Variants in RAB1A observed in about 807,000 individuals in gnomAD.
RAB1A encodes ras-related protein Rab-1A.
A neutral mutation model predicts 26.0 loss-of-function variants in RAB1A; 2 were observed. The observed-to-expected ratio is 0.08, with a 90% CI of 0.03 to 0.24. The LOEUF is 0.24. Ranked by LOEUF, RAB1A falls within the 10% of genes least tolerant of loss-of-function variation. RAB1A has a pLI of 1.00. For missense variants in RAB1A, 100 were observed against 247.0 expected (o/e 0.40, Z 3.99); for synonymous variants, 84 against 84.9 (o/e 0.99, Z 0.06).
In RAB1A at chr2:65,088,134, ACTTCAT is replaced by A. The variant is rs538067960; in HGVS notation, c.*353_*358del. On this transcript the variant is annotated 3_prime_UTR_variant, in exon 6 of 6. Transcript: ENST00000409784. Reference sequence around the variant, plus strand: ...GTGCTGTTTGATACAAAATGGCTGAACTTCATCTTCAGAAGACTAAACCTGACATCT... The same window carrying A: ...GTGCTGTTTGATACAAAATGGCTGAACTTCAGAAGACTAAACCTGACATCT... The A allele has an allele frequency of 3.2e-3, 573 of 179,754 alleles. No individual in the cohort carries two copies. The highest frequency in any genetic ancestry group is 6.9e-3 in the Admixed American group (113 of 16,474). The allele number at this position is 179,754 out of a possible 1,614,324, so 11.1% of individuals were successfully genotyped here.
At chr2:65,129,870 G>C (rs761951416) in intron 1 of RAB1A, 23 bp downstream of exon 1, 2 of 1,590,996 alleles carry the variant, frequency 1.3e-6, no homozygotes, top group African/African-American at 2.7e-5. Context: ...GGACCCAGCC[G>C]ACCGGTGCTC....
chr2:65,089,991 C>T (rs1005013819), intron 4 of RAB1A, among the ~76,000 whole-genome samples: 7 of 152,224 alleles, frequency 4.6e-5, no homozygotes, highest in African/African-American at 1.2e-4. Flanking sequence ...GCGTGAGCCA[C>T]TGCGCCTGGC....
chr2:65,122,081 G>A lies in RAB1A; in HGVS notation c.23+7812C>T, dbSNP rs551768280. On this transcript the variant is annotated intron_variant, in intron 1 of 5. Transcript: ENST00000409784. ...TGAGGCAGAAGAAATGCTGGAACCC[G>A]GGAGACAGACGTTGCAGTAAGCCAA... Among the ~76,000 whole-genome samples the A allele has an allele frequency of 3.4e-4, 49 of 146,248 alleles. 1 individual carries two copies. The highest frequency in any genetic ancestry group is 1.2e-3 in the African/African-American group (49 of 39,954).
At chr2:65,122,153 CTCAAAAAAAA>C (rs1669976625) in intron 1 of RAB1A, among the ~76,000 whole-genome samples, 1 of 54,370 alleles carries the variant, frequency 1.8e-5, no homozygotes, top group African/African-American at 9.0e-5. Flanking sequence ...AAGACTCTAT[CTCAAAAAAAA>C]AAAAAAAAAA....
intron 1 of RAB1A, chr2:65,106,455 G>T: frequency 1.4e-5 from 4 of 282,484 alleles, no homozygotes; most frequent in South Asian, 8.8e-5. Context: ...TTCTATAAGC[G>T]ATTATCTTTG....
intron 3 of RAB1A, among the ~76,000 whole-genome samples, chr2:65,093,387 C>A (rs1038805580): frequency 6.6e-6 from 1 of 152,146 alleles, no homozygotes; most frequent in African/African-American, 2.4e-5. Flanking sequence ...CAGAAAGAGG[C>A]CTTCCATGGT....
chr2:65,115,871 G>C (rs918058212), intron 1 of RAB1A, among the ~76,000 whole-genome samples: 3 of 152,108 alleles, frequency 2.0e-5, no homozygotes, highest in African/African-American at 7.2e-5. Flanking sequence ...AAAATTCAAA[G>C]CTGGCCAGGT....
rs1023581585 is a variant in RAB1A at position 65,087,471 on chromosome 2, T to A, written c.*1022A>T. On this transcript the variant is annotated 3_prime_UTR_variant, in exon 6 of 6. Coordinates refer to ENST00000409784, the MANE Select transcript of RAB1A (RefSeq NM_004161.5). ...GACTGAAAGCATGGAAGAAAAACAT[T>A]AGCACACATTAGTCTGATCATTTGC... 1 of 152,640 alleles carries A rather than the reference T, an allele frequency of 6.6e-6. No homozygotes were observed. The highest frequency in any genetic ancestry group is 1.5e-5 in the Non-Finnish European group (1 of 68,032). 9.5% of individuals were successfully genotyped at this position (152,640 alleles called of 1,614,324 possible).
intron 1 of RAB1A, among the ~76,000 whole-genome samples, chr2:65,127,779 G>C (rs1294404436): frequency 1.3e-5 from 2 of 152,104 alleles, no homozygotes; most frequent in South Asian, 2.1e-4. Context: ...TGTCGTCCAG[G>C]CTGGAGTGCA....
At chr2:65,120,199 T>A (rs1344874810) in intron 1 of RAB1A, among the ~76,000 whole-genome samples, 1 of 152,108 alleles carries the variant, frequency 6.6e-6, no homozygotes, top group Non-Finnish European at 1.5e-5. Context: ...GGCTCACACC[T>A]GTAATCCCAG....
At position 65,091,135 on chromosome 2, in the gene RAB1A, A is replaced by T. The variant is rs1669160713; in HGVS notation, c.193-57T>A. Reference sequence around the variant, plus strand: ...TTCCATTAAAATAAAGTTGGGGAAAAGTGTAGGAGGGAGGGGAAATAGTTT... The same window carrying T: ...TTCCATTAAAATAAAGTTGGGGAAATGTGTAGGAGGGAGGGGAAATAGTTT... On this transcript the variant is annotated intron_variant, in intron 3 of 5. Coordinates refer to ENST00000409784, the MANE Select transcript of RAB1A (RefSeq NM_004161.5). 4 of 1,360,788 alleles carry T rather than the reference A, an allele frequency of 2.9e-6. No individual in the cohort carries two copies. The South Asian group carries it at 4.8e-5, about 16-fold the overall frequency. 84.3% of individuals were successfully genotyped at this position (1,360,788 alleles called of 1,614,324 possible). A position where few individuals can be genotyped will look rare whatever the true frequency, so the allele number is the denominator to read the frequency against.
chr2:65,104,490 G>C (rs1394369210), intron 2 of RAB1A, among the ~76,000 whole-genome samples: 2 of 152,128 alleles, frequency 1.3e-5, no homozygotes, highest in African/African-American at 4.8e-5. Flanking sequence ...GTTTGACTCT[G>C]ACCAAAAGTA....
Position 65,088,610 on chromosome 2 carries a change from C to T in RAB1A, c.501G>A (p.Thr167=), listed in dbSNP as rs1441112007. The change falls in exon 6 of 6, where the codon ACG becomes ACA. Residue 167 remains threonine (T), a synonymous_variant. Coordinates refer to ENST00000409784, the MANE Select transcript of RAB1A (RefSeq NM_004161.5). ...NATNVEQSFM[T]MAAEIKKRMG... is the part of the protein sequence containing the mutation. The stretch of plus-strand genomic sequence containing the variant: ...TTCGCTTTTTAATCTCAGCTGCCAT[C>T]GTCATGAAAGACTGTTCTACATTCG... The T allele has an allele frequency of 1.9e-6, 3 of 1,613,532 alleles. No individual in the cohort carries two copies. The highest frequency in any genetic ancestry group is 1.1e-5 in the South Asian group (1 of 90,930).
chr2:65,095,624 A>G (rs189883723), intron 3 of RAB1A, among the ~76,000 whole-genome samples: 15 of 148,344 alleles, frequency 1.0e-4, no homozygotes, highest in African/African-American at 3.5e-4. Flanking sequence ...TCGGCCTCCC[A>G]AAGTGCTGGG....
At chr2:65,118,047 C>T (rs761280924) in intron 1 of RAB1A, among the ~76,000 whole-genome samples, 1 of 152,176 alleles carries the variant, frequency 6.6e-6, no homozygotes, top group Non-Finnish European at 1.5e-5. Context: ...AAAACTAGGG[C>T]ATTTTCTTCA....
chr2:65,127,943 C>T (rs532153970), intron 1 of RAB1A, among the ~76,000 whole-genome samples: 1 of 152,096 alleles, frequency 6.6e-6, no homozygotes, highest in South Asian at 2.1e-4. Context: ...ACCGTGTTAC[C>T]GAGGATGGTC....
chr2:65,124,650 G>A (rs1160047100), intron 1 of RAB1A, among the ~76,000 whole-genome samples: 1 of 152,030 alleles, frequency 6.6e-6, no homozygotes, highest in Non-Finnish European at 1.5e-5. Flanking sequence ...GTTTTGCCAT[G>A]TTGGCCAGGC....
intron 3 of RAB1A, among the ~76,000 whole-genome samples, chr2:65,096,950 T>A (rs185714951): frequency 3.3e-4 from 51 of 152,330 alleles, no homozygotes; most frequent in African/African-American, 1.1e-3. Flanking sequence ...AGCTTATAAA[T>A]TAGTAAATCA....
chr2:65,107,539 T>G (rs913546354), intron 1 of RAB1A, among the ~76,000 whole-genome samples: 1 of 151,998 alleles, frequency 6.6e-6, no homozygotes, highest in Admixed American at 6.6e-5. Context: ...CAGGCTGGAG[T>G]GCAGTGGCTC....
Sources: allele counts gnomAD v4.1 joint callset (sites outside exome capture counted in the v4.1 genomes callset), GRCh38; gene constraint gnomAD v4.1.1; transcripts MANE v1.5; gene names NCBI Gene and HGNC (gene_info 2026-07-23, HGNC 2026-07-21).